AADACL2: variants seen among roughly 807,000 people sequenced by gnomAD.
The protein encoded by AADACL2 is arylacetamide deacetylase like 2.
AADACL2 carries 23 observed loss-of-function variants against 22.3 expected under a neutral mutation model. The ratio of observed to expected loss-of-function variants is 1.03; its 90% CI spans 0.74 to 1.46. The LOEUF (loss-of-function observed/expected upper bound fraction) is 1.46, where lower values mean the gene tolerates loss of function less well. Among genes scored for constraint, AADACL2 ranks in the 40% most tolerant of loss-of-function variants. AADACL2 has a pLI of 0.00. For missense variants in AADACL2, 472 were observed against 482.9 expected (o/e 0.98, Z 0.21); for synonymous variants, 177 against 166.2 (o/e 1.07, Z -0.50).
intron 4 of AADACL2, among the ~76,000 whole-genome samples, chr3:151,755,448 G>T: frequency 6.6e-6 from 1 of 152,182 alleles, no homozygotes; most frequent in South Asian, 2.1e-4. Flanking sequence ...ACACATATAT[G>T]CTTGTGAGTA....
intron 1 of AADACL2, among the ~76,000 whole-genome samples, chr3:151,738,240 TC>T (rs1713159747): frequency 6.6e-6 from 1 of 152,242 alleles, no homozygotes; most frequent in Non-Finnish European, 1.5e-5. Context: ...ATTTCATTTC[TC>T]CTTTGCTTAC....
intron 4 of AADACL2, among the ~76,000 whole-genome samples, chr3:151,756,392 T>C (rs1378143613): frequency 1.3e-5 from 2 of 152,150 alleles, no homozygotes; most frequent in Non-Finnish European, 2.9e-5. Context: ...AGATACCTGT[T>C]GATTGGCCTT....
chr3:151,739,591 G>A (rs556898786), intron 1 of AADACL2, among the ~76,000 whole-genome samples: 118 of 152,188 alleles, frequency 7.8e-4, no homozygotes, highest in Non-Finnish European at 1.2e-3. Context: ...GGAAAGTTTA[G>A]GTCCGCTGAA....
chr3:151,734,016 A>C lies in AADACL2; in HGVS notation c.-20A>C. On this transcript the variant is annotated 5_prime_UTR_variant, in exon 1 of 5. Coordinates refer to ENST00000356517, the MANE Select transcript of AADACL2 (RefSeq NM_207365.4). Reference sequence around the variant, plus strand: ...AAATTTTAATCTCAGTACTGTGAAGAAGCTGGAAAAAGGGATATTATGGGG... The same window carrying C: ...AAATTTTAATCTCAGTACTGTGAAGCAGCTGGAAAAAGGGATATTATGGGG... The C allele has an allele frequency of 6.3e-7, 1 of 1,590,270 alleles. No individual in the cohort carries two copies. The highest frequency in any genetic ancestry group is 1.1e-5 in the South Asian group (1 of 88,020).
Position 151,757,438 on chromosome 3 carries a change from T to C in AADACL2, c.1050T>C (p.Tyr350=), listed in dbSNP as rs538960138. ...TCTTAAGAGATGATGGACTTATGTA[T>C]GTTACAAGACTTCGAAATGTTGGAG... The part of the protein sequence containing the change: ...HDLLRDDGLM[Y]VTRLRNVGVQ... The change falls in exon 5 of 5, where the codon TAT becomes TAC. Residue 350 remains tyrosine (Y), a synonymous_variant. Coordinates refer to ENST00000356517, the MANE Select transcript of AADACL2 (RefSeq NM_207365.4). 3 of 1,613,658 alleles carry C rather than the reference T, an allele frequency of 1.9e-6. No individual in the cohort carries two copies. The highest frequency in any genetic ancestry group is 1.3e-5 in the African/African-American group (1 of 75,016).
intron 4 of AADACL2, chr3:151,755,248 C>T (rs1713848669): frequency 6.6e-6 from 1 of 151,484 alleles, no homozygotes; most frequent in African/African-American, 2.4e-5. Flanking sequence ...TATCTTAGGC[C>T]CAGTAAGGGG....
At chr3:151,749,824 T>C (rs1713597902) in intron 4 of AADACL2, among the ~76,000 whole-genome samples, 1 of 152,142 alleles carries the variant, frequency 6.6e-6, no homozygotes, top group East Asian at 1.9e-4. Context: ...TTTTTATTTC[T>C]GTTTTTGTTT....
rs1272558913 is a variant in AADACL2, at chr3:151,734,065, G to A, written c.30G>A (p.Leu10=). The change falls in exon 1 of 5, where the codon CTG becomes CTA. Residue 10 remains leucine, a synonymous_variant. Transcript: ENST00000356517. ...GGCTAAAAGCTCTCTGTTTGGGGCT[G>A]CTTTGTGTTCTTTTTGTCTCTCATT... MGLKALCLG[L]LCVLFVSHFY... 1.2e-6 allele frequency: 2 copies of A among 1,612,984 alleles called. No individual in the cohort carries two copies. The highest frequency in any genetic ancestry group is 1.7e-6 in the Non-Finnish European group (2 of 1,179,576).
At chr3:151,750,688 TA>T (rs1713634727) in intron 4 of AADACL2, among the ~76,000 whole-genome samples, 1 of 152,188 alleles carries the variant, frequency 6.6e-6, no homozygotes, top group Admixed American at 6.5e-5. Flanking sequence ...ATTTATTTTT[TA>T]AAATTTCTTT....
intron 4 of AADACL2, 145 bp from the exon 5 acceptor site, chr3:151,756,847 T>C: frequency 1.9e-6 from 1 of 529,586 alleles, no homozygotes; most frequent in Non-Finnish European, 2.7e-6. Flanking sequence ...CATGGTAATA[T>C]ATTATAAATA....
At chr3:151,750,196 T>TG (rs1449152833) in intron 4 of AADACL2, among the ~76,000 whole-genome samples, 2 of 152,238 alleles carry the variant, frequency 1.3e-5, no homozygotes, top group African/African-American at 4.8e-5. Flanking sequence ...ACATGGTGTA[T>TG]GATCCTTTTA....
intron 4 of AADACL2, among the ~76,000 whole-genome samples, chr3:151,750,153 T>C (rs938289588): frequency 5.3e-5 from 8 of 152,250 alleles, no homozygotes; most frequent in Non-Finnish European, 1.0e-4. Flanking sequence ...GATTTGTGTG[T>C]ATTGAAACAT....
In AADACL2 at chr3:151,757,885, C is replaced by G. The variant is rs796693644; in HGVS notation, c.*291C>G. The G allele has an allele frequency of 1.4e-5, 3 of 209,018 alleles. No individual in the cohort carries two copies. The highest frequency in any genetic ancestry group is 7.0e-5 in the African/African-American group (3 of 42,972). 12.9% of individuals were successfully genotyped at this position (209,018 alleles called of 1,614,324 possible). On this transcript the variant is annotated 3_prime_UTR_variant, in exon 5 of 5. Coordinates refer to ENST00000356517, the MANE Select transcript of AADACL2 (RefSeq NM_207365.4). The stretch of plus-strand genomic sequence containing the variant: ...GTTGAGAAATAAGAGTGGTTATTGG[C>G]AAATTAAGCAAGATACTTTCCAGAT...
At position 151,734,182 on chromosome 3, in the gene AADACL2, AAC is replaced by A. The variant is rs1469857001; in HGVS notation, c.138+11_138+12del. On this transcript the variant is annotated intron_variant, in intron 1 of 4. Coordinates refer to ENST00000356517, the MANE Select transcript of AADACL2 (RefSeq NM_207365.4). The stretch of plus-strand genomic sequence containing the variant: ...AAACTTGTACATTTACGGTAAGGTT[AAC>A]ATTTATTTTTTCTGTTGGAAATTGG... The A allele has an allele frequency of 6.2e-7, 1 of 1,610,538 alleles. No homozygotes were observed. Among genetic ancestry groups the A allele is most frequent in the Admixed American group, 1.7e-5 (1 of 59,378 alleles).
intron 4 of AADACL2, among the ~76,000 whole-genome samples, chr3:151,750,934 T>C (rs1006368846): frequency 1.3e-5 from 2 of 152,206 alleles, no homozygotes; most frequent in Admixed American, 6.5e-5. Flanking sequence ...GCTTCACCTT[T>C]GGTTCTATAC....
chr3:151,752,511 C>T (rs571917581), intron 4 of AADACL2, among the ~76,000 whole-genome samples: 25 of 152,260 alleles, frequency 1.6e-4, no homozygotes, highest in African/African-American at 5.3e-4. Context: ...CTGGTCACAA[C>T]GATCTGGATG....
chr3:151,738,252 G>A (rs1042895185), intron 1 of AADACL2, among the ~76,000 whole-genome samples: 3 of 152,046 alleles, frequency 2.0e-5, no homozygotes, highest in African/African-American at 7.2e-5. Context: ...CTTTGCTTAC[G>A]AAGCTTAGTT....
intron 1 of AADACL2, among the ~76,000 whole-genome samples, chr3:151,740,006 C>T (rs1416918282): frequency 6.6e-6 from 1 of 152,172 alleles, no homozygotes; most frequent in African/African-American, 2.4e-5. Flanking sequence ...AGCCCCCTTT[C>T]CAGGGGAGTG....
chr3:151,735,374 G>A (rs1041043786), intron 1 of AADACL2, among the ~76,000 whole-genome samples: 3 of 152,344 alleles, frequency 2.0e-5, no homozygotes, highest in South Asian at 4.1e-4. Context: ...CAGCTAGTAA[G>A]TAGTAGCATA....
Sources: allele counts gnomAD v4.1 joint callset (sites outside exome capture counted in the v4.1 genomes callset), GRCh38; gene constraint gnomAD v4.1.1; transcripts MANE v1.5; gene names NCBI Gene and HGNC (gene_info 2026-07-23, HGNC 2026-07-21).